Variants in MGAT5B observed in about 807,000 individuals in gnomAD.
MGAT5B encodes the protein alpha-1,6-mannosylglycoprotein 6-beta-N-acetylglucosaminyltransferase B.
Under a neutral mutation model 95.1 loss-of-function variants are expected in MGAT5B, and 54 were observed. The ratio of observed to expected loss-of-function variants is 0.57; its 90% CI spans 0.46 to 0.71. The LOEUF (loss-of-function observed/expected upper bound fraction) is 0.71, where lower values mean the gene tolerates loss of function less well. Among genes scored for constraint, MGAT5B ranks in the 30% least tolerant of loss-of-function variants. The pLI is 0.00. For synonymous variants in MGAT5B, 464 were observed against 451.0 expected (o/e 1.03, Z -0.36); for missense variants, 935 against 1,088.6 (o/e 0.86, Z 1.99).
chr17:76,922,109 TC>T (rs778380613), intron 8 of MGAT5B, among the ~76,000 whole-genome samples: 1 of 151,954 alleles, frequency 6.6e-6, no homozygotes, highest in Non-Finnish European at 1.5e-5. Context: ...GGGACTAGGG[TC>T]AGAGGTGTGC....
At chr17:76,908,811 C>CT (rs138361073) in intron 8 of MGAT5B, among the ~76,000 whole-genome samples, 13,420 of 140,740 alleles carry the variant, frequency 0.095, 698 homozygotes, top group East Asian at 0.14. Context: ...ACTCTGCTAT[C>CT]TTTTTTTTTT....
intron 8 of MGAT5B, among the ~76,000 whole-genome samples, chr17:76,913,227 G>C (rs372569348): frequency 1.3e-5 from 2 of 152,216 alleles, no homozygotes; most frequent in Admixed American, 1.3e-4. Context: ...AATGACGAAG[G>C]TGGGGACTCC....
chr17:76,870,420 C>T lies in MGAT5B; in HGVS notation c.68+1323C>T, dbSNP rs1966968116. 6.6e-6 allele frequency among the ~76,000 whole-genome samples: 1 copy of T among 152,142 alleles called. No individual in the cohort carries two copies. The highest frequency in any genetic ancestry group is 1.5e-5 in the Non-Finnish European group (1 of 68,008). On this transcript the variant is annotated intron_variant, in intron 1 of 17. Transcript: ENST00000569840. This position sits in a 1 kb window ranked among gnomAD's most constrained non-coding sequence, Gnocchi z 5.0. ...GGCGTCTCTGGAAAGGGCCTTGCTC[C>T]TCCAGGGAAGGCCTTGAATCCCTGG...
In MGAT5B at chr17:76,912,730, G is replaced by C. The variant is rs1360267433; in HGVS notation, c.1025+6543G>C. ...TGCAAGATGCTTCCGGGGTGAGGGA[G>C]GTGGCACGAGGGAGCCGTGCGCTCT... On this transcript the variant is annotated intron_variant, in intron 8 of 17. Coordinates refer to ENST00000569840, the MANE Select transcript of MGAT5B (RefSeq NM_001199172.2). The surrounding 1 kb of genome is among the most constrained non-coding windows in gnomAD (Gnocchi z 5.0). Among the ~76,000 whole-genome samples the C allele has an allele frequency of 6.6e-6, 1 of 152,136 alleles. No homozygotes were observed. Among genetic ancestry groups the C allele is most frequent in the Admixed American group, 6.5e-5 (1 of 15,282 alleles).
chr17:76,913,666 C>T (rs1309247813), intron 8 of MGAT5B: 3 of 508,488 alleles, frequency 5.9e-6, no homozygotes, highest in East Asian at 5.5e-5. Flanking sequence ...AGGCCTCTTA[C>T]AGGCAAAGGA....
intron 3 of MGAT5B, among the ~76,000 whole-genome samples, chr17:76,890,535 C>T (rs1967827209): frequency 6.6e-6 from 1 of 152,128 alleles, no homozygotes; most frequent in African/African-American, 2.4e-5. Flanking sequence ...ACAGGGTCTC[C>T]CTCTGTTGCC....
At chr17:76,944,673 C>T (rs1419930109) in intron 15 of MGAT5B, among the ~76,000 whole-genome samples, 2 of 152,188 alleles carry the variant, frequency 1.3e-5, no homozygotes, top group Non-Finnish European at 2.9e-5. Context: ...TACCCACGCA[C>T]AGTGCAGGGG....
chr17:76,944,009 T>C (rs974353769), intron 15 of MGAT5B: 1 of 152,188 alleles, frequency 6.6e-6, no homozygotes, highest in African/African-American at 2.4e-5. Flanking sequence ...CTCCCTGGGT[T>C]TGCCTGTGGA....
At chr17:76,880,048 C>T (rs1301020929) in intron 2 of MGAT5B, among the ~76,000 whole-genome samples, 6 of 152,148 alleles carry the variant, frequency 3.9e-5, no homozygotes, top group East Asian at 1.9e-4. Flanking sequence ...CTCTGTTTTC[C>T]GTAGAGGGAC....
intron 3 of MGAT5B, among the ~76,000 whole-genome samples, chr17:76,899,421 A>G (rs1386316946): frequency 1.3e-5 from 2 of 151,870 alleles, no homozygotes; most frequent in Non-Finnish European, 2.9e-5. Flanking sequence ...AGGCGGGAGG[A>G]TCACTTGAGC....
chr17:76,948,628 G>T lies in MGAT5B; in HGVS notation c.2181-12G>T. The T allele has an allele frequency of 6.2e-7, 1 of 1,607,228 alleles. No individual in the cohort carries two copies. Among genetic ancestry groups the T allele is most frequent in the Non-Finnish European group, 8.5e-7 (1 of 1,177,484 alleles). On this transcript the variant is annotated splice_polypyrimidine_tract_variant and intron_variant, in intron 17 of 17. Coordinates refer to ENST00000569840, the MANE Select transcript of MGAT5B (RefSeq NM_001199172.2). ...CCAACGCTGAGTGACGGTGCTGTGT[G>T]GTCCCTGCCAGGCTGCAGGTGCCCT...
chr17:76,919,244 A>G (rs755970623), intron 8 of MGAT5B, among the ~76,000 whole-genome samples: 4 of 152,114 alleles, frequency 2.6e-5, no homozygotes, highest in Non-Finnish European at 5.9e-5. Flanking sequence ...ATATTTTAGC[A>G]AAGAGTGCCT....
intron 10 of MGAT5B, 76 bp from the exon 11 acceptor site, chr17:76,932,569 C>T: frequency 2.5e-6 from 4 of 1,583,486 alleles, no homozygotes; most frequent in East Asian, 4.6e-5. Flanking sequence ...ACCTCTTGGG[C>T]GGGGCAGTCC....
intron 12 of MGAT5B, among the ~76,000 whole-genome samples, chr17:76,936,141 C>T (rs1473908437): frequency 6.6e-6 from 1 of 151,778 alleles, no homozygotes; most frequent in Admixed American, 6.6e-5. Flanking sequence ...GGAACGGTGG[C>T]TCACGCCTGT....
At chr17:76,882,917 G>A (rs1967488594) in intron 3 of MGAT5B, among the ~76,000 whole-genome samples, 1 of 151,658 alleles carries the variant, frequency 6.6e-6, no homozygotes, top group South Asian at 2.1e-4. Context: ...GTTTTACTAT[G>A]TTGGCCAGGC....
At chr17:76,932,085 T>TCCTCC (rs372913062) in intron 10 of MGAT5B, among the ~76,000 whole-genome samples, 1 of 121,978 alleles carries the variant, frequency 8.2e-6, no homozygotes, top group Admixed American at 8.6e-5. Flanking sequence ...CTCCTCCTCC[T>TCCTCC]CCCCCCCCCC....
chr17:76,895,177 G>C (rs1438560650), intron 3 of MGAT5B, among the ~76,000 whole-genome samples: 1 of 151,938 alleles, frequency 6.6e-6, no homozygotes, highest in Non-Finnish European at 1.5e-5. Context: ...CACATGTGAG[G>C]GATCAAGGTT....
At position 76,904,384 on chromosome 17, in the gene MGAT5B, G is replaced by A. The variant is rs1295224679; in HGVS notation, c.652G>A (p.Ala218Thr). 4 of 1,570,980 alleles carry A rather than the reference G, an allele frequency of 2.5e-6. No individual in the cohort carries two copies. The highest frequency in any genetic ancestry group is 1.3e-5 in the African/African-American group (1 of 74,244). The change falls in exon 6 of 18, where the codon GCT becomes ACT. Residue 218 changes from alanine (A) to threonine (T), a missense_variant. Physicochemically the swap from Ala to Thr is moderately conservative, Grantham distance 58. This residue lies in a region of MGAT5B where 243 missense variants were observed against 305.5 expected (regional missense o/e 0.80). Coordinates refer to ENST00000569840, the MANE Select transcript of MGAT5B (RefSeq NM_001199172.2). ...CCCGCTGCCCTGGAGGAACCAGACG[G>A]CTGCCCAGAGGGCACCCAAGCCCCT... ...CPPLPWRNQT[A>T]AQRAPKPLPK...
At chr17:76,925,687 T>C (rs1969290495) in intron 9 of MGAT5B, among the ~76,000 whole-genome samples, 1 of 152,196 alleles carries the variant, frequency 6.6e-6, no homozygotes, top group Non-Finnish European at 1.5e-5. Flanking sequence ...TTATTATTAA[T>C]GCGAGTTCTC....
Sources: allele counts gnomAD v4.1 joint callset (sites outside exome capture counted in the v4.1 genomes callset), GRCh38; gene constraint gnomAD v4.1.1; regional missense constraint gnomAD v4.1.1; non-coding constraint Gnocchi (gnomAD v3.1); transcripts MANE v1.5; gene names NCBI Gene and HGNC (gene_info 2026-07-23, HGNC 2026-07-21).